Variants in WDPCP observed in about 807,000 individuals in gnomAD.
WDPCP encodes the protein WD repeat containing planar cell polarity effector.
In WDPCP, 71 loss-of-function variants were observed where a neutral mutation model predicts 93.1. The observed-to-expected ratio is 0.76, with a 90% CI of 0.63 to 0.93. The LOEUF (loss-of-function observed/expected upper bound fraction) is 0.93. Among genes scored for constraint, WDPCP ranks in the 40% least tolerant of loss-of-function variants. The probability of loss-of-function intolerance (pLI) is 0.00; values close to 1 mark genes in which losing one functional copy is unlikely to be tolerated. For missense variants in WDPCP, 844 were observed against 887.4 expected (o/e 0.95, Z 0.62); for synonymous variants, 315 against 315.0 (o/e 1.00, Z 0.00).
intron 2 of WDPCP, among the ~76,000 whole-genome samples, chr2:63,656,429 T>C (rs553679573): frequency 6.2e-4 from 94 of 152,264 alleles, no homozygotes; most frequent in Admixed American, 1.1e-3. Flanking sequence ...CATTGGGAAG[T>C]GCCAAGGCCA....
chr2:63,637,506 T>A (rs1458271302), intron 3 of WDPCP, among the ~76,000 whole-genome samples: 1 of 146,062 alleles, frequency 6.8e-6, no homozygotes, highest in Non-Finnish European at 1.5e-5. Context: ...AAAATATATC[T>A]GATATAAGGG....
intron 17 of WDPCP, among the ~76,000 whole-genome samples, chr2:63,127,737 A>G (rs1282339218): frequency 6.6e-6 from 1 of 150,452 alleles, no homozygotes; most frequent in African/African-American, 2.4e-5. Flanking sequence ...TCCCTATTCT[A>G]TATGTATTAC....
intron 13 of WDPCP, among the ~76,000 whole-genome samples, chr2:63,309,702 A>T (rs994902996): frequency 2.6e-5 from 4 of 152,220 alleles, no homozygotes; most frequent in Non-Finnish European, 4.4e-5. Context: ...TTTCTAGGAT[A>T]AACTAAGTTT....
chr2:63,339,740 T>C (rs1364453379), intron 12 of WDPCP, among the ~76,000 whole-genome samples: 2 of 152,124 alleles, frequency 1.3e-5, no homozygotes, highest in Admixed American at 1.3e-4. Context: ...TGAATAAAAG[T>C]GGTGAAAAGT....
chr2:63,424,113 C>T (rs369369136), intron 9 of WDPCP, among the ~76,000 whole-genome samples: 49 of 152,188 alleles, frequency 3.2e-4, no homozygotes, highest in African/African-American at 1.0e-3. Context: ...GCTCTCTCGC[C>T]GCTTACCTCT....
At chr2:63,378,053 ACAT>A in intron 12 of WDPCP, 1 of 275,830 alleles carries the variant, frequency 3.6e-6, no homozygotes, top group Non-Finnish European at 7.1e-6. Flanking sequence ...CAGAACATTC[ACAT>A]CATTAGCTTC....
At chr2:63,139,441 C>T (rs1670899210) in intron 17 of WDPCP, among the ~76,000 whole-genome samples, 1 of 152,188 alleles carries the variant, frequency 6.6e-6, no homozygotes. Flanking sequence ...TTCCCACCAG[C>T]AGTGTAGAAG....
At chr2:63,508,899 T>C (rs948554732) in intron 1 of WDPCP, among the ~76,000 whole-genome samples, 3 of 152,316 alleles carry the variant, frequency 2.0e-5, no homozygotes, top group Middle Eastern at 6.8e-3. Context: ...TAAATATATA[T>C]GCACCCAGTA....
intron 13 of WDPCP, 74 bp downstream of exon 13, chr2:63,313,174 C>G (rs539840925): frequency 7.1e-7 from 1 of 1,409,010 alleles, no homozygotes; most frequent in African/African-American, 1.4e-5. Context: ...GACAGTAATC[C>G]TTTTTATGGT....
At chr2:63,629,220 GA>G (rs915161992) in intron 3 of WDPCP, among the ~76,000 whole-genome samples, 1 of 152,078 alleles carries the variant, frequency 6.6e-6, no homozygotes, top group African/African-American at 2.4e-5. Flanking sequence ...CTTTGCAACA[GA>G]AAAAACTTCT....
intron 2 of WDPCP, among the ~76,000 whole-genome samples, chr2:63,737,324 C>G (rs529591197): frequency 6.6e-6 from 1 of 152,330 alleles, no homozygotes; most frequent in South Asian, 2.1e-4. Context: ...ATTCATGACA[C>G]AAACAAGCTG....
intron 6 of WDPCP, among the ~76,000 whole-genome samples, chr2:63,477,232 T>C (rs1700021564): frequency 6.6e-6 from 1 of 152,140 alleles, no homozygotes; most frequent in Non-Finnish European, 1.5e-5. Flanking sequence ...AGTATATTAA[T>C]GTTAAAACTA....
intron 3 of WDPCP, among the ~76,000 whole-genome samples, chr2:63,617,800 G>A (rs1709688706): frequency 6.6e-6 from 1 of 152,072 alleles, no homozygotes; most frequent in Admixed American, 6.5e-5. Flanking sequence ...ATAAAGAGTT[G>A]GTTCTCAATT....
intron 2 of WDPCP, among the ~76,000 whole-genome samples, chr2:63,680,943 A>G (rs1433904130): frequency 6.6e-6 from 1 of 152,146 alleles, no homozygotes; most frequent in African/African-American, 2.4e-5. Context: ...ACACTGGGCC[A>G]GAAGGGAACC....
At chr2:63,507,855 T>C (rs1183378895) in intron 1 of WDPCP, among the ~76,000 whole-genome samples, 1 of 151,830 alleles carries the variant, frequency 6.6e-6, no homozygotes, top group South Asian at 2.1e-4. Context: ...ATCAACTTAA[T>C]GAAATAAAGT....
rs191674208 is a variant in WDPCP, at chr2:63,372,979, C to T, written c.1748+5407G>A. Among the ~76,000 whole-genome samples the T allele has an allele frequency of 1.8e-4, 28 of 152,048 alleles. No homozygotes were observed. The East Asian group carries it at 3.3e-3, about 18-fold the overall frequency. ...TCTCTACTAAAAATACAAAATTAGC[C>T]GGGCATGGTGGCGCATTCCTGTAAT... On this transcript the variant is annotated intron_variant, in intron 12 of 17. Transcript: ENST00000272321.
intron 1 of WDPCP, among the ~76,000 whole-genome samples, chr2:63,573,804 C>G (rs973557264): frequency 2.0e-5 from 3 of 152,134 alleles, no homozygotes; most frequent in African/African-American, 7.2e-5. Context: ...CCGCTGAATT[C>G]TTTTTCTCAG....
intron 3 of WDPCP, among the ~76,000 whole-genome samples, chr2:63,623,789 A>G (rs1200509758): frequency 6.6e-6 from 1 of 152,190 alleles, no homozygotes; most frequent in Non-Finnish European, 1.5e-5. Flanking sequence ...AAGACAGAAA[A>G]TTAACAAGGA....
chr2:63,268,043 C>A (rs144856788), intron 13 of WDPCP, among the ~76,000 whole-genome samples: 1 of 152,044 alleles, frequency 6.6e-6, no homozygotes, highest in Non-Finnish European at 1.5e-5. Flanking sequence ...AGATTTTTCA[C>A]AATAGCCAAG....
Sources: gnomAD v4.1 joint callset for allele counts (sites outside exome capture counted in the v4.1 genomes callset) on GRCh38, gnomAD v4.1.1 for gene constraint, MANE v1.5 for transcripts, NCBI Gene and HGNC (gene_info 2026-07-23, HGNC 2026-07-21) for gene names.